Variants in SLC35A5 observed in about 807,000 individuals in gnomAD.
SLC35A5 encodes solute carrier family 35 member A5.
In SLC35A5, 28 loss-of-function variants were observed where a neutral mutation model predicts 36.3. The ratio of observed to expected loss-of-function variants is 0.77; its 90% CI spans 0.57 to 1.06. The LOEUF is 1.06. Among genes scored for constraint, SLC35A5 ranks in the 50% least tolerant of loss-of-function variants. The probability of loss-of-function intolerance (pLI) is 0.00; values close to 1 mark genes in which losing one functional copy is unlikely to be tolerated. For missense variants in SLC35A5, 521 were observed against 499.3 expected (o/e 1.04, Z -0.41); for synonymous variants, 180 against 173.7 (o/e 1.04, Z -0.29).
intron 2 of SLC35A5, among the ~76,000 whole-genome samples, chr3:112,564,517 C>T (rs897785776): frequency 3.3e-5 from 5 of 152,144 alleles, no homozygotes; most frequent in African/African-American, 7.2e-5. Flanking sequence ...GGTTTTACTC[C>T]GAGACATTCC....
Position 112,573,083 on chromosome 3 carries a change from T to A in SLC35A5, c.361-806T>A, listed in dbSNP as rs189673553. Among the ~76,000 whole-genome samples, 237 of 152,294 alleles carry A rather than the reference T, an allele frequency of 1.6e-3. 2 individuals carry two copies. Among genetic ancestry groups the A allele is most frequent in the African/African-American group, 5.3e-3 (222 of 41,572 alleles). On this transcript the variant is annotated intron_variant, in intron 4 of 6. Coordinates refer to ENST00000492406, the MANE Select transcript of SLC35A5 (RefSeq NM_017945.5). ...CTTTAATTTAGCTTCATATTAGCCATGTTTGTTTTAATTAGTGGGTATATA... is the reference window on the plus strand; with the variant it reads ...CTTTAATTTAGCTTCATATTAGCCAAGTTTGTTTTAATTAGTGGGTATATA...
At chr3:112,570,814 G>C in intron 4 of SLC35A5, 144 bp downstream of exon 4, 1 of 792,238 alleles carries the variant, frequency 1.3e-6, no homozygotes, top group Non-Finnish European at 1.9e-6. Context: ...AGAATTATCT[G>C]AGTCCTGAAT....
chr3:112,566,725 A>C (rs905117938), intron 2 of SLC35A5, among the ~76,000 whole-genome samples: 1 of 152,226 alleles, frequency 6.6e-6, no homozygotes, highest in Admixed American at 6.5e-5. Context: ...CTCAGAAAGG[A>C]GTTAGTTTCA....
At chr3:112,575,183 T>G (rs1934611769) in intron 5 of SLC35A5, among the ~76,000 whole-genome samples, 1 of 152,066 alleles carries the variant, frequency 6.6e-6, no homozygotes, top group African/African-American at 2.4e-5. Context: ...ATTTCCATAT[T>G]CCAAGATGAT....
At chr3:112,579,277 GT>G (rs759827813) in intron 5 of SLC35A5, among the ~76,000 whole-genome samples, 2 of 152,118 alleles carry the variant, frequency 1.3e-5, no homozygotes, top group Non-Finnish European at 1.5e-5. Flanking sequence ...TAGGTTAACT[GT>G]TTCCTCCCTT....
At chr3:112,562,371 C>G (rs1314386281) in intron 1 of SLC35A5, 98 bp downstream of exon 1, 1 of 152,264 alleles carries the variant, frequency 6.6e-6, no homozygotes, top group Non-Finnish European at 1.5e-5. Flanking sequence ...AAGGGTAGTC[C>G]CTGACTGTGA....
chr3:112,579,118 A>G (rs933347807), intron 5 of SLC35A5, among the ~76,000 whole-genome samples: 1 of 152,168 alleles, frequency 6.6e-6, no homozygotes, highest in Admixed American at 6.5e-5. Context: ...TCAGAGCATG[A>G]AGCTTTATAT....
At chr3:112,564,089 G>C (rs1934077550) in intron 2 of SLC35A5, 1 of 152,156 alleles carries the variant, frequency 6.6e-6, no homozygotes, top group Admixed American at 6.5e-5. Flanking sequence ...GTGAAGGGGT[G>C]GGTTGCCCCT....
At chr3:112,563,281 T>C (rs527763027) in intron 1 of SLC35A5, 104 bp from the exon 2 acceptor site, 2 of 1,060,656 alleles carry the variant, frequency 1.9e-6, no homozygotes, top group East Asian at 5.6e-5. Context: ...GATATAGTCA[T>C]AGCCAAAATT....
upstream of SLC35A5, chr3:112,561,661 G>GGACGC (rs373700157): frequency 5.3e-5 from 47 of 893,182 alleles, no homozygotes; most frequent in African/African-American, 2.8e-4. Flanking sequence ...CGAGGGGACG[G>GGACGC]GACGCGACGC....
At chr3:112,564,299 A>G (rs1027924890) in intron 2 of SLC35A5, 2 of 152,254 alleles carry the variant, frequency 1.3e-5, no homozygotes, top group East Asian at 3.8e-4. Context: ...TGGCAGGATC[A>G]TAGGATAGTA....
At chr3:112,561,411 G>A (rs1186529574), upstream of SLC35A5, 1 of 1,593,224 alleles carries the variant, frequency 6.3e-7, no homozygotes, top group Non-Finnish European at 8.6e-7. Flanking sequence ...TCCCTGAAAA[G>A]TCGAGCATGT....
chr3:112,564,728 T>C (rs193045996), intron 2 of SLC35A5, among the ~76,000 whole-genome samples: 2 of 152,336 alleles, frequency 1.3e-5, no homozygotes, highest in East Asian at 3.9e-4. Context: ...CTGGCTTTCC[T>C]AGGCAGAGGT....
chr3:112,567,417 C>T (rs536310240), intron 2 of SLC35A5, among the ~76,000 whole-genome samples: 25 of 152,102 alleles, frequency 1.6e-4, no homozygotes, highest in African/African-American at 5.8e-4. Context: ...CTCAGCCTCC[C>T]GAATAGCTGA....
Position 112,581,188 on chromosome 3 carries a change from G to C in SLC35A5, c.1071G>C (p.Leu357=). ...TGGTCTTTGACTTCAGGCCCTCCCT[G>C]GAATTTTTCTTGGAAGCCCCATCAG... The part of the protein sequence containing the change: ...SVLVFDFRPS[L]EFFLEAPSVL... Residue 357 remains leucine (L), a synonymous_variant, in exon 6 of 7, where the codon CTG becomes CTC. Coordinates refer to ENST00000492406, the MANE Select transcript of SLC35A5 (RefSeq NM_017945.5). 2.5e-6 allele frequency: 4 copies of C among 1,613,848 alleles called. No homozygotes were observed. Among genetic ancestry groups the C allele is most frequent in the Non-Finnish European group, 3.4e-6 (4 of 1,179,906 alleles).
chr3:112,568,079 A>G (rs1194055600), intron 2 of SLC35A5, among the ~76,000 whole-genome samples: 4 of 152,232 alleles, frequency 2.6e-5, no homozygotes, highest in African/African-American at 9.6e-5. Flanking sequence ...GAACGTGACA[A>G]ACATGGTCCA....
chr3:112,570,809 T>A, intron 4 of SLC35A5, 139 bp downstream of exon 4: 1 of 803,760 alleles, frequency 1.2e-6, no homozygotes, highest in Non-Finnish European at 1.8e-6. Flanking sequence ...TCCCCAGAAT[T>A]ATCTGAGTCC....
rs552213443 is a variant in SLC35A5, at chr3:112,575,625, C to T, written c.428+1669C>T. Among the ~76,000 whole-genome samples, 4 of 152,118 alleles carry T rather than the reference C, an allele frequency of 2.6e-5. No homozygotes were observed. In the East Asian group the frequency reaches 7.7e-4, roughly 29 times the overall value. ...AAATTTCTACATACTTTCTTATTTT[C>T]AGAGGAATAATAATGATTCTTAGAC... On this transcript the variant is annotated intron_variant, in intron 5 of 6. Transcript: ENST00000492406.
In SLC35A5 at chr3:112,573,348, A is replaced by G. The variant is rs778087208; in HGVS notation, c.361-541A>G. 5.9e-5 allele frequency among the ~76,000 whole-genome samples: 9 copies of G among 152,268 alleles called. No individual in the cohort carries two copies. In the South Asian group the frequency reaches 6.2e-4, roughly 10 times the overall value. On this transcript the variant is annotated intron_variant, in intron 4 of 6. Coordinates refer to ENST00000492406, the MANE Select transcript of SLC35A5 (RefSeq NM_017945.5). The stretch of plus-strand genomic sequence containing the variant: ...CAAATGGTTTTAAAATCTGGCTGAT[A>G]CATTTCTAAGTGTTTAGAACAACTT...
Sources: allele counts gnomAD v4.1 joint callset (sites outside exome capture counted in the v4.1 genomes callset), GRCh38; gene constraint gnomAD v4.1.1; transcripts MANE v1.5; gene names NCBI Gene and HGNC (gene_info 2026-07-23, HGNC 2026-07-21).